Variants in ULK4 observed in about 807,000 individuals in gnomAD.
ULK4 encodes the protein inactive serine/threonine-protein kinase ULK4.
ULK4 carries 133 observed loss-of-function variants against 160.6 expected under a neutral mutation model. The ratio of observed to expected loss-of-function variants is 0.83; its 90% confidence interval spans 0.72 to 0.96. The LOEUF (loss-of-function observed/expected upper bound fraction) is 0.96, where lower values mean the gene tolerates loss of function less well. Among genes scored for constraint, ULK4 ranks in the 40% least tolerant of loss-of-function variants. ULK4 has a pLI of 0.00. For synonymous variants in ULK4, 534 were observed against 539.8 expected, an observed-to-expected ratio of 0.99 and a Z score of 0.15; for missense variants, 1,580 against 1,499.5, an observed-to-expected ratio of 1.05 and a Z score of -0.89.
intron 17 of ULK4, among the ~76,000 whole-genome samples, chr3:41,862,773 CTCTCTCTCTCTCCGCTCCCCCCCCCCTT>C (rs1409700531): frequency 4.4e-5 from 6 of 135,386 alleles, no homozygotes; most frequent in African/African-American, 2.2e-4. Flanking sequence ...CAGTCTCTCT[CTCTCTCTCTCTCCGCTCCCCCCCCCCTT>C]TCTCTCTCTC....
At chr3:41,310,488 A>C (rs1193829272) in intron 35 of ULK4, among the ~76,000 whole-genome samples, 1 of 152,208 alleles carries the variant, frequency 6.6e-6, no homozygotes, top group Admixed American at 6.5e-5. Context: ...TCAGAAAAAC[A>C]CAGTAAATAA....
At chr3:41,381,318 G>A (rs564263537) in intron 35 of ULK4, among the ~76,000 whole-genome samples, 5 of 152,172 alleles carry the variant, frequency 3.3e-5, no homozygotes, top group Non-Finnish European at 7.4e-5. Context: ...CAACCCTTCC[G>A]GAATCCACAT....
intron 4 of ULK4, 100 bp from the exon 5 acceptor site, chr3:41,932,106 T>C (rs1255336409): frequency 9.7e-7 from 1 of 1,025,904 alleles, no homozygotes; most frequent in Non-Finnish European, 1.3e-6. Flanking sequence ...TCAGCATTGC[T>C]ATTCTTTATC....
intron 32 of ULK4, among the ~76,000 whole-genome samples, chr3:41,527,780 C>T (rs2086170976): frequency 6.6e-6 from 1 of 152,152 alleles, no homozygotes. Context: ...ACTCTTCCAA[C>T]CTGGATAATC....
At position 41,799,736 on chromosome 3, in the gene ULK4, G is replaced by C. The variant is rs144849818; in HGVS notation, c.2010+396C>G. Among the ~76,000 whole-genome samples, 1,492 of 152,166 alleles carry C rather than the reference G, an allele frequency of 9.8e-3. 24 individuals carry two copies. Among genetic ancestry groups the C allele is most frequent in the African/African-American group, 0.035 (1,436 of 41,516 alleles). ...AAATAAGCCAGGCCTGGTGGTGCAT[G>C]CCTGTAGTCCCAGCTACTTGGGAGG... On this transcript the variant is annotated intron_variant, in intron 20 of 36. Transcript: ENST00000301831.
At chr3:41,836,116 T>G in intron 17 of ULK4, 145 bp from the exon 18 acceptor site, 1 of 592,922 alleles carries the variant, frequency 1.7e-6, no homozygotes, top group Admixed American at 3.0e-5. Flanking sequence ...GGGCCTTATA[T>G]TCCTGAAAAT....
At chr3:41,872,777 A>G (rs1697145674) in intron 17 of ULK4, among the ~76,000 whole-genome samples, 1 of 150,516 alleles carries the variant, frequency 6.6e-6, no homozygotes, top group Non-Finnish European at 1.5e-5. Flanking sequence ...ACCCCGATAC[A>G]TGAATAAAAT....
intron 32 of ULK4, among the ~76,000 whole-genome samples, chr3:41,490,835 G>A (rs1420728296): frequency 1.3e-5 from 2 of 152,138 alleles, no homozygotes. Flanking sequence ...CACTACTGGT[G>A]CTTAAGGACA....
At chr3:41,842,726 C>A (rs1426300202) in intron 17 of ULK4, among the ~76,000 whole-genome samples, 1 of 150,938 alleles carries the variant, frequency 6.6e-6, no homozygotes, top group Non-Finnish European at 1.5e-5. Context: ...CCTGCAGAAC[C>A]GTGAGCCAAA....
At chr3:41,614,576 T>C (rs866873886) in intron 31 of ULK4, among the ~76,000 whole-genome samples, 13 of 152,136 alleles carry the variant, frequency 8.5e-5, no homozygotes, top group African/African-American at 3.1e-4. Context: ...AGCAACTCAG[T>C]CCAGGCTCTA....
chr3:41,352,180 G>T (rs983365101), intron 35 of ULK4, among the ~76,000 whole-genome samples: 1 of 152,018 alleles, frequency 6.6e-6, no homozygotes, highest in Admixed American at 6.6e-5. Context: ...TCACTTGACC[G>T]CAGGCTTCCT....
intron 35 of ULK4, among the ~76,000 whole-genome samples, chr3:41,327,130 A>C (rs2080353286): frequency 6.6e-6 from 1 of 152,168 alleles, no homozygotes. Context: ...TGGTGAAATG[A>C]CTTTTTAAAA....
intron 32 of ULK4, among the ~76,000 whole-genome samples, chr3:41,542,025 T>C (rs771125963): frequency 1.1e-4 from 16 of 152,212 alleles, no homozygotes; most frequent in Non-Finnish European, 2.1e-4. Context: ...TCTTGCCTGA[T>C]TGTCCTGGCC....
chr3:41,455,715 C>T (rs931458710), intron 33 of ULK4, 120 bp from the exon 34 acceptor site: 24 of 784,442 alleles, frequency 3.1e-5, no homozygotes, highest in African/African-American at 5.2e-5. Context: ...ACCTCAGTTC[C>T]CAAGGATGGA....
chr3:41,320,019 A>G (rs558201676), intron 35 of ULK4, among the ~76,000 whole-genome samples: 2 of 152,336 alleles, frequency 1.3e-5, no homozygotes, highest in African/African-American at 4.8e-5. Context: ...TATATTTTAA[A>G]TATGTTTAAG....
intron 29 of ULK4, among the ~76,000 whole-genome samples, chr3:41,675,716 G>C (rs181389579): frequency 5.5e-4 from 84 of 152,228 alleles, no homozygotes; most frequent in African/African-American, 1.9e-3. Context: ...AGATAAAAGG[G>C]AGAAAGCCAT....
intron 34 of ULK4, among the ~76,000 whole-genome samples, chr3:41,444,361 TTC>T (rs56744200): frequency 0.081 from 11,796 of 146,236 alleles, 1,064 homozygotes; most frequent in East Asian, 0.52. Context: ...TTTAAGTGAC[TTC>T]TCTCTCTCTC....
chr3:41,430,683 C>T (rs149804519), intron 34 of ULK4, among the ~76,000 whole-genome samples: 3,531 of 152,244 alleles, frequency 0.023, 63 homozygotes, highest in Non-Finnish European at 0.035. Flanking sequence ...ATAGAACATG[C>T]TGCATGGGAA....
intron 8 of ULK4, chr3:41,914,610 A>G (rs1368441951): frequency 6.6e-6 from 1 of 152,236 alleles, no homozygotes; most frequent in African/African-American, 2.4e-5. Context: ...AAAAATTTTA[A>G]AAATTCACAA....
Sources: gnomAD v4.1 joint callset for allele counts (sites outside exome capture counted in the v4.1 genomes callset) on GRCh38, gnomAD v4.1.1 for gene constraint, MANE v1.5 for transcripts, NCBI Gene and HGNC (gene_info 2026-07-23, HGNC 2026-07-21) for gene names.